Variants in ANTXR1 observed in about 807,000 individuals in gnomAD.
ANTXR1 encodes the protein anthrax toxin receptor 1.
A neutral mutation model predicts 78.1 loss-of-function variants in ANTXR1; 19 were observed. The ratio of observed to expected loss-of-function variants is 0.24; its 90% confidence interval spans 0.17 to 0.36. ANTXR1 has a LOEUF of 0.36. Ranked by LOEUF, ANTXR1 falls within the 10% of genes least tolerant of loss-of-function variation. The pLI, the probability that ANTXR1 is intolerant of heterozygous loss-of-function variation, is 1.00. For synonymous variants in ANTXR1, 273 were observed against 260.5 expected, an observed-to-expected ratio of 1.05 and a Z score of -0.46; for missense variants, 518 against 718.6, an observed-to-expected ratio of 0.72 and a Z score of 3.19.
intron 13 of ANTXR1, among the ~76,000 whole-genome samples, chr2:69,161,845 T>G (rs1673690972): frequency 6.6e-6 from 1 of 152,182 alleles, no homozygotes; most frequent in African/African-American, 2.4e-5. Context: ...TGGCTTCTCA[T>G]GCAGAATTTA....
intron 8 of ANTXR1, among the ~76,000 whole-genome samples, chr2:69,087,189 ATC>A (rs1671080243): frequency 6.6e-6 from 1 of 152,202 alleles, no homozygotes; most frequent in African/African-American, 2.4e-5. Context: ...GTCCAAGTCT[ATC>A]TTCTCAGTCT....
At chr2:69,245,180 G>A (rs189469296) in intron 17 of ANTXR1, 45 bp from the exon 18 acceptor site, 72 of 1,612,886 alleles carry the variant, frequency 4.5e-5, no homozygotes, top group Admixed American at 3.3e-5. Flanking sequence ...AGGCCCTGAT[G>A]TGAGGCCGTC....
At chr2:69,232,722 AG>A (rs1179775143) in intron 17 of ANTXR1, among the ~76,000 whole-genome samples, 2 of 152,206 alleles carry the variant, frequency 1.3e-5, no homozygotes, top group East Asian at 3.8e-4. Context: ...GGTAAAACTT[AG>A]AAAATAATAT....
intron 1 of ANTXR1, among the ~76,000 whole-genome samples, chr2:69,039,616 CTT>C (rs1436512642): frequency 6.6e-6 from 1 of 152,062 alleles, no homozygotes; most frequent in Non-Finnish European, 1.5e-5. Context: ...AAGTTGGACT[CTT>C]TGGGGAGGGG....
At chr2:69,239,576 A>G (rs867743712) in intron 17 of ANTXR1, among the ~76,000 whole-genome samples, 7 of 152,240 alleles carry the variant, frequency 4.6e-5, no homozygotes, top group African/African-American at 7.2e-5. Flanking sequence ...TGATGGAATT[A>G]TAGAATATTA....
intron 1 of ANTXR1, among the ~76,000 whole-genome samples, chr2:69,032,481 A>T (rs1243952168): frequency 6.6e-6 from 1 of 151,992 alleles, no homozygotes; most frequent in African/African-American, 2.4e-5. Flanking sequence ...CCTCCTAAGT[A>T]ACATCATCCA....
At position 69,170,281 on chromosome 2, in the gene ANTXR1, G is replaced by A. The variant is rs963943219; in HGVS notation, c.1081G>A (p.Glu361Lys). ...IKEVPPPPAEESEEEDDDGLP... is the reference protein window; with the variant it reads ...IKEVPPPPAEKSEEEDDDGLP... ...GGAGGTCCCTCCACCCCCTGCCGAG[G>A]AGAGTGAGGTAAGTGACCACAGCAG... Residue 361 changes from glutamate to lysine, a missense_variant, in exon 14 of 18, where the codon GAG becomes AAG. Glu to Lys is a moderately conservative substitution (Grantham distance 56, BLOSUM62 1). Coordinates refer to ENST00000303714, the MANE Select transcript of ANTXR1 (RefSeq NM_032208.3). 1 of 1,614,146 alleles carries A rather than the reference G, an allele frequency of 6.2e-7. No homozygotes were observed.
chr2:69,165,486 AT>A (rs1278368211), intron 13 of ANTXR1, among the ~76,000 whole-genome samples: 4 of 152,248 alleles, frequency 2.6e-5, no homozygotes, highest in Non-Finnish European at 4.4e-5. Context: ...TATACAGCTT[AT>A]CCTATTAACC....
chr2:69,108,922 T>C (rs1671893856), intron 10 of ANTXR1, among the ~76,000 whole-genome samples: 1 of 152,156 alleles, frequency 6.6e-6, no homozygotes, highest in Admixed American at 6.5e-5. Flanking sequence ...TGTAAAGACA[T>C]ATATGATGAA....
chr2:69,241,151 T>C (rs1675884980), intron 17 of ANTXR1, among the ~76,000 whole-genome samples: 1 of 152,164 alleles, frequency 6.6e-6, no homozygotes, highest in South Asian at 2.1e-4. Flanking sequence ...AAACCAATAC[T>C]GTGGAAAATA....
chr2:69,084,143 C>T (rs1670976569), intron 8 of ANTXR1, among the ~76,000 whole-genome samples: 2 of 152,206 alleles, frequency 1.3e-5, no homozygotes, highest in Admixed American at 6.5e-5. Context: ...AAAGCAACAG[C>T]AGAATTTTAG....
rs1170568860 is a variant in ANTXR1, at chr2:69,013,802, C to T, written c.152+151C>T. The T allele has an allele frequency of 8.8e-6, 12 of 1,365,618 alleles. No individual in the cohort carries two copies. The South Asian group carries it at 1.6e-4, about 18-fold the overall frequency. 84.6% of individuals were successfully genotyped at this position (1,365,618 alleles called of 1,614,324 possible). A position where few individuals can be genotyped will look rare whatever the true frequency, so the allele number is the denominator to read the frequency against. ...CGCGGCAGGCGGCGGCGGAGTGCTG[C>T]GCCTTTGTTGGGGCGCGCTCCTCCC... On this transcript the variant is annotated intron_variant, in intron 1 of 17. Transcript: ENST00000303714. This position sits in a 1 kb window ranked among gnomAD's most constrained non-coding sequence, Gnocchi z 5.0.
intron 13 of ANTXR1, among the ~76,000 whole-genome samples, chr2:69,156,668 G>A (rs1673533835): frequency 6.6e-6 from 1 of 152,230 alleles, no homozygotes; most frequent in Admixed American, 6.5e-5. Context: ...GTGGGAGCAG[G>A]AGGAAGAGAA....
At chr2:69,051,172 C>T (rs1308610213) in intron 3 of ANTXR1, among the ~76,000 whole-genome samples, 1 of 151,914 alleles carries the variant, frequency 6.6e-6, no homozygotes, top group African/African-American at 2.4e-5. Context: ...TGTAATCCCA[C>T]CTACTTGGGA....
At chr2:69,066,909 T>C (rs1401829294) in intron 3 of ANTXR1, among the ~76,000 whole-genome samples, 2 of 152,210 alleles carry the variant, frequency 1.3e-5, no homozygotes, top group Non-Finnish European at 2.9e-5. Context: ...TAGGATTCCC[T>C]GCCTCTTTCA....
intron 10 of ANTXR1, among the ~76,000 whole-genome samples, chr2:69,112,142 C>T (rs759146331): frequency 6.6e-6 from 1 of 152,160 alleles, no homozygotes; most frequent in Non-Finnish European, 1.5e-5. Flanking sequence ...ATCAGAATCA[C>T]CAGGGAGCTT....
At chr2:69,166,147 C>G (rs1673822816) in intron 13 of ANTXR1, among the ~76,000 whole-genome samples, 1 of 152,176 alleles carries the variant, frequency 6.6e-6, no homozygotes, top group Non-Finnish European at 1.5e-5. Context: ...CACATAAAAA[C>G]TGGAATTTGT....
intron 17 of ANTXR1, among the ~76,000 whole-genome samples, chr2:69,216,960 T>C (rs1675193809): frequency 6.6e-6 from 1 of 152,190 alleles, no homozygotes; most frequent in Non-Finnish European, 1.5e-5. Context: ...CAGTTAAATA[T>C]CCCACATCTT....
intron 3 of ANTXR1, among the ~76,000 whole-genome samples, chr2:69,068,104 C>G (rs1189617671): frequency 6.6e-6 from 1 of 152,052 alleles, no homozygotes; most frequent in Non-Finnish European, 1.5e-5. Flanking sequence ...TGGTTTCTTC[C>G]CAGAATGAGT....
Sources: allele counts gnomAD v4.1 joint callset (sites outside exome capture counted in the v4.1 genomes callset), GRCh38; gene constraint gnomAD v4.1.1; non-coding constraint Gnocchi (gnomAD v3.1); transcripts MANE v1.5; gene names NCBI Gene and HGNC (gene_info 2026-07-23, HGNC 2026-07-21).